SRGAP3: variants seen among roughly 807,000 people sequenced by gnomAD.
SRGAP3 encodes the protein SLIT-ROBO Rho GTPase-activating protein 3.
In SRGAP3, 39 loss-of-function variants were observed where a neutral mutation model predicts 121.1. That is an observed-to-expected ratio of 0.32 (90% CI 0.25 to 0.42). The LOEUF is 0.42. SRGAP3 is among the 10% of genes least tolerant of loss of function. The pLI, the probability that SRGAP3 is intolerant of heterozygous loss-of-function variation, is 1.00. For missense variants in SRGAP3, 1,213 were observed against 1,470.6 expected (o/e 0.82, Z 2.86); for synonymous variants, 601 against 570.0 (o/e 1.05, Z -0.77).
At chr3:9,340,308 C>T (rs1027971225) in intron 1 of SRGAP3, among the ~76,000 whole-genome samples, 7 of 152,118 alleles carry the variant, frequency 4.6e-5, no homozygotes, top group Non-Finnish European at 8.8e-5. Context: ...TGCTCTCTTC[C>T]CCCTCCTGCT....
intron 4 of SRGAP3, among the ~76,000 whole-genome samples, chr3:9,067,005 C>T (rs757030003): frequency 1.3e-5 from 2 of 152,260 alleles, no homozygotes; most frequent in East Asian, 1.9e-4. Flanking sequence ...TCTGCTTCCT[C>T]GTCTGTAAAA....
chr3:9,226,184 T>C (rs1269357443), intron 1 of SRGAP3, among the ~76,000 whole-genome samples: 1 of 152,212 alleles, frequency 6.6e-6, no homozygotes, highest in Non-Finnish European at 1.5e-5. Flanking sequence ...GGCAGTGATA[T>C]CTTTTGCCCA....
chr3:9,163,983 ATTC>A (rs1950690450), intron 1 of SRGAP3, among the ~76,000 whole-genome samples: 1 of 92,576 alleles, frequency 1.1e-5, no homozygotes, highest in Non-Finnish European at 2.1e-5. Context: ...AGCAACTACT[ATTC>A]TTTTTTTTTT....
intron 9 of SRGAP3, among the ~76,000 whole-genome samples, chr3:9,052,769 G>A (rs1220134099): frequency 1.3e-5 from 2 of 152,166 alleles, no homozygotes; most frequent in African/African-American, 4.8e-5. Flanking sequence ...GAATAAAACT[G>A]TCTCTGGTTT....
At chr3:9,316,694 T>G (rs566094532) in intron 3 of SRGAP3, among the ~76,000 whole-genome samples, 2 of 152,302 alleles carry the variant, frequency 1.3e-5, no homozygotes, top group South Asian at 4.1e-4. Flanking sequence ...TCATATAATT[T>G]TTTAAGCTGA....
intron 10 of SRGAP3, 60 bp downstream of exon 10, chr3:9,047,331 C>T (rs1945337358): frequency 6.4e-7 from 1 of 1,561,756 alleles, no homozygotes; most frequent in Admixed American, 1.7e-5. Flanking sequence ...GTCAGGGGGC[C>T]ACAGTGAGAG....
chr3:9,139,708 T>TA (rs1385293353), intron 1 of SRGAP3, among the ~76,000 whole-genome samples: 1 of 152,208 alleles, frequency 6.6e-6, no homozygotes, highest in African/African-American at 2.4e-5. Flanking sequence ...CGGAAACTAG[T>TA]ATAATGTGCA....
In SRGAP3 at chr3:9,104,692, T is replaced by G; in HGVS notation, c.411A>C (p.Arg137Ser). Reference sequence around the variant, plus strand: ...CCCACTTGCCTACCTTTTTGAAGAGTCTGATGACATCCTCACTGATCTGGG... The same window carrying G: ...CCCACTTGCCTACCTTTTTGAAGAGGCTGATGACATCCTCACTGATCTGGG... ...RLSQISEDVI[R>S]LFKKSKEIGL... Residue 137 changes from arginine to serine, a missense_variant, in exon 3 of 22, where the codon AGA becomes AGC. By Grantham distance (110) the Arg-to-Ser change is moderately radical. Around this residue, in one of 2 missense-constraint regions of SRGAP3, gnomAD observed 793 missense variants for 1,032.9 expected, o/e 0.77. Transcript: ENST00000383836. The G allele has an allele frequency of 6.2e-7, 1 of 1,614,076 alleles. No homozygotes were observed. Among genetic ancestry groups the G allele is most frequent in the Non-Finnish European group, 8.5e-7 (1 of 1,180,004 alleles).
At chr3:9,261,592 A>C (rs567693350) in intron 3 of SRGAP3, among the ~76,000 whole-genome samples, 58 of 152,000 alleles carry the variant, frequency 3.8e-4, no homozygotes, top group African/African-American at 1.3e-3. Context: ...AGCAGAAGAA[A>C]GGATATCAGA....
intron 18 of SRGAP3, among the ~76,000 whole-genome samples, chr3:8,997,490 T>C (rs1942476398): frequency 1.3e-5 from 2 of 152,270 alleles, no homozygotes; most frequent in South Asian, 4.1e-4. Context: ...TCAGAAGGCT[T>C]CCCATGGAGG....
At chr3:9,114,587 C>T (rs1289436388) in intron 2 of SRGAP3, among the ~76,000 whole-genome samples, 2 of 152,194 alleles carry the variant, frequency 1.3e-5, no homozygotes, top group South Asian at 2.1e-4. Context: ...TGAGGGTACA[C>T]GTTGGTGTCT....
chr3:9,102,555 GC>G (rs2124905663), intron 3 of SRGAP3, among the ~76,000 whole-genome samples: 1 of 152,298 alleles, frequency 6.6e-6, no homozygotes, highest in South Asian at 2.1e-4. Context: ...TGTAAAGAGT[GC>G]CGGCCTCCAT....
chr3:9,330,819 T>C (rs1299985842), intron 1 of SRGAP3, among the ~76,000 whole-genome samples: 1 of 152,150 alleles, frequency 6.6e-6, no homozygotes, highest in East Asian at 1.9e-4. Flanking sequence ...GCATTTGCCT[T>C]ATTTGAATGG....
At chr3:9,105,545 G>A (rs1340507274) in intron 2 of SRGAP3, among the ~76,000 whole-genome samples, 1 of 152,222 alleles carries the variant, frequency 6.6e-6, no homozygotes, top group East Asian at 1.9e-4. Flanking sequence ...AGCAGCAAGA[G>A]CATGACCTGG....
chr3:9,277,607 CAAAAAAAAAAA>C (rs35955575), intron 3 of SRGAP3, among the ~76,000 whole-genome samples: 4 of 59,808 alleles, frequency 6.7e-5, no homozygotes, highest in East Asian at 1.1e-3. Flanking sequence ...GAAGCCATCT[CAAAAAAAAAAA>C]AAAAAAAAAA....
At chr3:9,203,459 A>T (rs753776109) in intron 1 of SRGAP3, among the ~76,000 whole-genome samples, 8 of 152,232 alleles carry the variant, frequency 5.3e-5, no homozygotes, top group Non-Finnish European at 1.2e-4. Context: ...ATATTAACTG[A>T]GAACCGACCA....
At chr3:9,180,351 G>C (rs1951339306) in intron 1 of SRGAP3, among the ~76,000 whole-genome samples, 1 of 152,216 alleles carries the variant, frequency 6.6e-6, no homozygotes, top group Non-Finnish European at 1.5e-5. Flanking sequence ...AGTTACAGCA[G>C]GGTGAGCGGG....
chr3:9,270,251 A>T lies in SRGAP3; in HGVS notation n.442+55759T>A, dbSNP rs144249091. On this transcript the variant is annotated intron_variant and non_coding_transcript_variant, in intron 3 of 3. Coordinates refer to the SRGAP3 transcript ENST00000490889. ...GATAATAAAAGTATACATATTTTAT[A>T]ATTAGAAAAAACACATTAGTAGTAT... is the stretch of plus-strand genomic sequence containing the variant. 3.6e-4 allele frequency among the ~76,000 whole-genome samples: 55 copies of T among 152,346 alleles called. No individual in the cohort carries two copies. The East Asian group carries it at 0.01, about 28-fold the overall frequency.
intron 1 of SRGAP3, among the ~76,000 whole-genome samples, chr3:9,158,618 T>G (rs2125070901): frequency 6.6e-6 from 1 of 152,290 alleles, no homozygotes; most frequent in East Asian, 1.9e-4. Context: ...GTGGCAAAGC[T>G]GGGGCTCAAA....
Sources: gnomAD v4.1 joint callset for allele counts (sites outside exome capture counted in the v4.1 genomes callset) on GRCh38, gnomAD v4.1.1 for gene constraint, gnomAD v4.1.1 regional missense constraint, MANE v1.5 for transcripts, NCBI Gene and HGNC (gene_info 2026-07-23, HGNC 2026-07-21) for gene names.